TXNDC5: variants seen among roughly 807,000 people sequenced by gnomAD.
TXNDC5 encodes thioredoxin domain-containing protein 5.
Under a neutral mutation model 52.6 loss-of-function variants are expected in TXNDC5, and 44 were observed. The ratio of observed to expected loss-of-function variants is 0.84; its 90% CI spans 0.66 to 1.08. TXNDC5 has a LOEUF of 1.08. Among genes scored for constraint, TXNDC5 ranks in the 50% least tolerant of loss-of-function variants. The probability of loss-of-function intolerance (pLI) is 0.00; values close to 1 mark genes in which losing one functional copy is unlikely to be tolerated. For missense variants in TXNDC5, 600 were observed against 565.5 expected, an observed-to-expected ratio of 1.06 and a Z score of -0.62; for synonymous variants, 241 against 234.4, an observed-to-expected ratio of 1.03 and a Z score of -0.26.
rs539500102 is a variant in TXNDC5, at chr6:7,889,368, C to T, written c.819+127G>A. On this transcript the variant is annotated intron_variant, in intron 6 of 9. Coordinates refer to ENST00000379757, the MANE Select transcript of TXNDC5 (RefSeq NM_030810.5). ...AGAAAGACGTTTGTTTCATTATACA[C>T]ATTTCTCCAAACCAGTGCCCTAACA... 1.1e-4 allele frequency: 83 copies of T among 739,392 alleles called. No individual in the cohort carries two copies. The African/African-American group carries it at 1.1e-3, about 10-fold the overall frequency. 45.8% of individuals were successfully genotyped at this position (739,392 alleles called of 1,614,324 possible).
rs1011466644 is a variant in TXNDC5, at chr6:7,881,636, C to CT, written c.*1507dup. 2 of 147,194 alleles carry CT rather than the reference C, an allele frequency of 1.4e-5. No individual in the cohort carries two copies. Among genetic ancestry groups the CT allele is most frequent in the African/African-American group, 5.2e-5 (2 of 38,218 alleles). The allele number at this position is 147,194 out of a possible 1,614,324, so 9.1% of individuals were successfully genotyped here. ...AAGCTGAAGTTGTGTGTACAAGACT[C>CT]TTGACAGTTGTGCTTCTCTAGGAGG... On this transcript the variant is annotated 3_prime_UTR_variant, in exon 10 of 10. Transcript: ENST00000379757.
At chr6:7,883,873 G>A (rs1403557342) in intron 9 of TXNDC5, among the ~76,000 whole-genome samples, 1 of 152,214 alleles carries the variant, frequency 6.6e-6, no homozygotes, top group Admixed American at 6.5e-5. Context: ...AGCTTGGAAT[G>A]AAGGCAGTAG....
intron 7 of TXNDC5, among the ~76,000 whole-genome samples, chr6:7,888,313 C>A (rs772589135): frequency 6.6e-6 from 1 of 152,078 alleles, no homozygotes; most frequent in Non-Finnish European, 1.5e-5. Flanking sequence ...AGGAAAATGC[C>A]CGGAGCAAGG....
chr6:7,884,614 A>G (rs902720918), intron 8 of TXNDC5, 126 bp from the exon 9 acceptor site: 6 of 1,336,756 alleles, frequency 4.5e-6, no homozygotes, highest in Non-Finnish European at 6.1e-6. Context: ...AAATTTGTAA[A>G]ATACCAAATT....
intron 8 of TXNDC5, among the ~76,000 whole-genome samples, chr6:7,885,502 G>T (rs1003653384): frequency 1.3e-5 from 2 of 152,188 alleles, no homozygotes; most frequent in Non-Finnish European, 2.9e-5. Flanking sequence ...GTAGCATACT[G>T]AATGGCTCTA....
chr6:7,904,533 A>G, intron 2 of TXNDC5, 41 bp downstream of exon 2: 18 of 1,603,260 alleles, frequency 1.1e-5, no homozygotes, highest in Non-Finnish European at 1.5e-5. Context: ...CTTTGTAGCC[A>G]GGAGCCACCT....
chr6:7,909,249 C>G (rs1264889220), intron 1 of TXNDC5, among the ~76,000 whole-genome samples: 1 of 152,196 alleles, frequency 6.6e-6, no homozygotes, highest in African/African-American at 2.4e-5. Context: ...CTATGCCTCC[C>G]TACATCCCTT....
At chr6:7,883,394 G>T in intron 9 of TXNDC5, 128 bp from the exon 10 acceptor site, 1 of 1,349,652 alleles carries the variant, frequency 7.4e-7, no homozygotes, top group Non-Finnish European at 1.0e-6. Context: ...TTTTAAAGGT[G>T]TATATTCCAT....
At chr6:7,887,753 C>T (rs1339876462) in intron 7 of TXNDC5, among the ~76,000 whole-genome samples, 1 of 152,046 alleles carries the variant, frequency 6.6e-6, no homozygotes. Flanking sequence ...AACTCCAGCT[C>T]CTCTCTCACT....
intron 8 of TXNDC5, among the ~76,000 whole-genome samples, chr6:7,884,863 C>G (rs1237191246): frequency 6.6e-6 from 1 of 152,182 alleles, no homozygotes; most frequent in African/African-American, 2.4e-5. Flanking sequence ...ACTTGAATGC[C>G]AAAGACATTT....
intron 1 of TXNDC5, chr6:7,910,017 G>A: frequency 1.0e-6 from 1 of 986,084 alleles, no homozygotes; most frequent in Non-Finnish European, 1.2e-6. Context: ...CCGGCTGCCC[G>A]AAAGGGCGAC....
intron 8 of TXNDC5, 143 bp downstream of exon 8, chr6:7,885,818 G>T: frequency 1.5e-6 from 1 of 653,122 alleles, no homozygotes; most frequent in Non-Finnish European, 2.6e-6. Context: ...CATGATAACG[G>T]TTCCTTATTT....
At chr6:7,898,381 G>A (rs560130148) in intron 3 of TXNDC5, among the ~76,000 whole-genome samples, 14 of 152,302 alleles carry the variant, frequency 9.2e-5, no homozygotes, top group Non-Finnish European at 2.1e-4. Context: ...TTGCAGGTGA[G>A]GGATGGAAGC....
chr6:7,883,180 G>T lies in TXNDC5; in HGVS notation c.1263C>A (p.His421Gln), dbSNP rs756270234. Residue 421 changes from histidine to glutamine, a missense_variant, in exon 10 of 10, where the codon CAC becomes CAA. By Grantham distance (24) the His-to-Gln change is conservative (BLOSUM62 0). Coordinates refer to ENST00000379757, the MANE Select transcript of TXNDC5 (RefSeq NM_030810.5). ...HSGGRDLDSL[H>Q]RFVLSQAKDE... ...CTTTCGCTTGGCTCAGGACAAAGCGGTGTAACGAGTCAAGGTCTCTGCCTC... is the reference window on the plus strand; with the variant it reads ...CTTTCGCTTGGCTCAGGACAAAGCGTTGTAACGAGTCAAGGTCTCTGCCTC... The T allele has an allele frequency of 1.9e-6, 3 of 1,614,074 alleles. No homozygotes were observed. Among genetic ancestry groups the T allele is most frequent in the Middle Eastern group, 3.3e-4 (2 of 6,084 alleles).
chr6:7,895,024 C>G (rs1229267923), intron 4 of TXNDC5, 82 bp downstream of exon 4: 2 of 1,520,122 alleles, frequency 1.3e-6, no homozygotes, highest in African/African-American at 2.7e-5. Context: ...TCTAAGAGCC[C>G]TTGAGTAGCA....
intron 3 of TXNDC5, 29 bp downstream of exon 3, chr6:7,899,547 G>C (rs1561812890): frequency 6.4e-7 from 1 of 1,564,770 alleles, no homozygotes; most frequent in Admixed American, 1.7e-5. Flanking sequence ...GAGGGAGGGA[G>C]GGAGGGAGGG....
chr6:7,909,567 G>A (rs1221341241), intron 1 of TXNDC5, among the ~76,000 whole-genome samples: 1 of 152,146 alleles, frequency 6.6e-6, no homozygotes, highest in Non-Finnish European at 1.5e-5. Flanking sequence ...TCAACGGAGG[G>A]GCTTTTCCGA....
chr6:7,910,145 GC>G, intron 1 of TXNDC5: 1 of 986,936 alleles, frequency 1.0e-6, no homozygotes, highest in Non-Finnish European at 1.2e-6. Flanking sequence ...CTCCCGCACC[GC>G]CCCGGCCGCC....
intron 2 of TXNDC5, among the ~76,000 whole-genome samples, chr6:7,902,312 T>C (rs968185280): frequency 2.0e-5 from 3 of 152,176 alleles, no homozygotes; most frequent in Non-Finnish European, 4.4e-5. Context: ...GTTCCCCCCG[T>C]CAGTCCTGCC....
Sources: gnomAD v4.1 joint callset for allele counts (sites outside exome capture counted in the v4.1 genomes callset) on GRCh38, gnomAD v4.1.1 for gene constraint, MANE v1.5 for transcripts, NCBI Gene and HGNC (gene_info 2026-07-23, HGNC 2026-07-21) for gene names.